Variants in C2CD3 observed in about 807,000 individuals in gnomAD.
C2CD3 encodes the protein C2 domain-containing protein 3.
Under a neutral mutation model 234.0 loss-of-function variants are expected in C2CD3, and 148 were observed. The ratio of observed to expected loss-of-function variants is 0.63; its 90% CI spans 0.55 to 0.72. The LOEUF is 0.72. C2CD3 is among the 30% of genes least tolerant of loss of function. C2CD3 has a pLI of 0.00. For synonymous variants in C2CD3, 1,000 were observed against 1,035.4 expected, an observed-to-expected ratio of 0.97 and a Z score of 0.66; for missense variants, 2,577 against 2,811.5, an observed-to-expected ratio of 0.92 and a Z score of 1.89.
rs759687227 is a variant in C2CD3 at position 74,092,449 on chromosome 11, C to T, written c.3484G>A (p.Glu1162Lys). The T allele has an allele frequency of 4.3e-6, 7 of 1,613,842 alleles. No homozygotes were observed. The South Asian group carries it at 6.6e-5, about 15-fold the overall frequency. ...TGGTTCCTCAATTCTTTCCTGTTCT[C>T]AATCCTGGGGGTTAAAGGGAGATTA... ...TFNLPLTPRIENRKELRNQSS... is the reference protein window; with the variant it reads ...TFNLPLTPRIKNRKELRNQSS... Residue 1162 changes from glutamate to lysine, a missense_variant, in exon 19 of 33, where the codon GAG becomes AAG. By Grantham distance (56) the Glu-to-Lys change is moderately conservative. Transcript: ENST00000334126.
At chr11:74,046,205 T>C (rs1953366758) in intron 28 of C2CD3, among the ~76,000 whole-genome samples, 1 of 152,240 alleles carries the variant, frequency 6.6e-6, no homozygotes, top group South Asian at 2.1e-4. Context: ...CAAAAGTTTC[T>C]TCTTGTCTTT....
At chr11:74,144,083 A>C (rs1202442252) in intron 3 of C2CD3, among the ~76,000 whole-genome samples, 1 of 152,204 alleles carries the variant, frequency 6.6e-6, no homozygotes, top group East Asian at 1.9e-4. Flanking sequence ...GTAGAATCAA[A>C]AGGAAAGTGA....
chr11:74,034,601 G>A (rs1158545721), intron 30 of C2CD3: 2 of 1,612,658 alleles, frequency 1.2e-6, no homozygotes, highest in East Asian at 2.2e-5. Flanking sequence ...AGTTACTTCA[G>A]TAACTACCTA....
intron 17 of C2CD3, among the ~76,000 whole-genome samples, chr11:74,094,445 C>T (rs931012520): frequency 3.3e-5 from 5 of 151,974 alleles, no homozygotes; most frequent in African/African-American, 1.2e-4. Context: ...CTTATTTGAA[C>T]CTCAAAATCA....
At position 74,121,675 on chromosome 11, in the gene C2CD3, T is replaced by C. The variant is rs572240776; in HGVS notation, c.1365+1313A>G. 5.3e-5 allele frequency among the ~76,000 whole-genome samples: 8 copies of C among 151,688 alleles called. No homozygotes were observed. In the South Asian group the frequency reaches 1.7e-3, roughly 32 times the overall value. On this transcript the variant is annotated intron_variant, in intron 8 of 32. Transcript: ENST00000334126. ...TTAAAAACAGTATTTAGTGTTCTAT[T>C]AGTTTCAGCCATAAAAACACAAAAC...
intron 8 of C2CD3, among the ~76,000 whole-genome samples, chr11:74,120,915 T>C (rs1045815200): frequency 8.6e-5 from 13 of 151,142 alleles, no homozygotes; most frequent in African/African-American, 2.9e-4. Context: ...TTCAACCCTT[T>C]GGGAGGCCAA....
chr11:74,103,359 C>A lies in C2CD3; in HGVS notation c.2352G>T (p.Thr784=), dbSNP rs147082398. The change falls in exon 14 of 33, where the codon ACG becomes ACT. Residue 784 remains threonine (T), a synonymous_variant. Coordinates refer to ENST00000334126, the MANE Select transcript of C2CD3 (RefSeq NM_001286577.2). ...VAPHPSTFVA[T]PASHNLVNQT... ...GATTGACTAAATTATGGGAGGCTGG[C>A]GTAGCTACGAAGGTTGAAGGATGTG... The A allele has an allele frequency of 3.1e-6, 5 of 1,614,020 alleles. No homozygotes were observed. Among genetic ancestry groups the A allele is most frequent in the African/African-American group, 1.3e-5 (1 of 74,908 alleles).
intron 3 of C2CD3, among the ~76,000 whole-genome samples, chr11:74,145,633 T>C (rs375991012): frequency 6.6e-6 from 1 of 152,290 alleles, no homozygotes; most frequent in East Asian, 1.9e-4. Flanking sequence ...CCAGTTCTTA[T>C]GTCGAAAATG....
intron 31 of C2CD3, among the ~76,000 whole-genome samples, chr11:74,029,669 T>C (rs1243650325): frequency 6.6e-6 from 1 of 152,246 alleles, no homozygotes; most frequent in African/African-American, 2.4e-5. Context: ...GGGCTGGCTC[T>C]GAAGCATGGA....
chr11:74,139,848 T>C lies in C2CD3; in HGVS notation c.484-20A>G, dbSNP rs374505777. ...TGAGACCTAAGAGAGACAGGTAGTA[T>C]ATGAGAAATTTTCTTTAGCATTGAT... On this transcript the variant is annotated intron_variant, in intron 3 of 32. Transcript: ENST00000334126. 8.1e-5 allele frequency: 120 copies of C among 1,474,460 alleles called. No individual in the cohort carries two copies. In the Middle Eastern group the frequency reaches 1.7e-3, roughly 21 times the overall value. 91.3% of individuals were successfully genotyped at this position (1,474,460 alleles called of 1,614,324 possible). A position where few individuals can be genotyped will look rare whatever the true frequency, so the allele number is the denominator to read the frequency against.
chr11:74,149,484 T>C (rs1442108535), intron 3 of C2CD3, among the ~76,000 whole-genome samples: 1 of 152,200 alleles, frequency 6.6e-6, no homozygotes, highest in Non-Finnish European at 1.5e-5. Flanking sequence ...TGTAGGTGCA[T>C]GCTAACATTT....
chr11:74,134,698 AC>A (rs1257736342), intron 5 of C2CD3, among the ~76,000 whole-genome samples: 1 of 152,214 alleles, frequency 6.6e-6, no homozygotes, highest in African/African-American at 2.4e-5. Context: ...AAGAAAAAAA[AC>A]AAGTCAAATA....
intron 26 of C2CD3, among the ~76,000 whole-genome samples, chr11:74,052,276 A>G (rs1953730684): frequency 6.6e-6 from 1 of 152,230 alleles, no homozygotes; most frequent in Admixed American, 6.5e-5. Flanking sequence ...CACATAGTAG[A>G]CATAATAATA....
chr11:74,151,258 T>C (rs1855634136), intron 3 of C2CD3, among the ~76,000 whole-genome samples: 1 of 152,004 alleles, frequency 6.6e-6, no homozygotes, highest in Non-Finnish European at 1.5e-5. Context: ...AGCTCATGTA[T>C]TTAGTACTGA....
chr11:74,144,391 A>G (rs1855020194), intron 3 of C2CD3, among the ~76,000 whole-genome samples: 1 of 152,216 alleles, frequency 6.6e-6, no homozygotes, highest in South Asian at 2.1e-4. Context: ...CCAGCTCCCC[A>G]AAGCTTCTCT....
chr11:74,170,276 A>C (rs898757362), intron 1 of C2CD3, among the ~76,000 whole-genome samples: 3 of 151,962 alleles, frequency 2.0e-5, no homozygotes, highest in African/African-American at 4.8e-5. Context: ...TTCATACTTC[A>C]TTCATTCAAC....
At chr11:74,154,162 G>A (rs1020106304) in intron 3 of C2CD3, among the ~76,000 whole-genome samples, 1 of 152,128 alleles carries the variant, frequency 6.6e-6, no homozygotes, top group African/African-American at 2.4e-5. Flanking sequence ...ATTAGGGGAA[G>A]ATTTCTTAGG....
At chr11:74,112,016 A>C (rs1042556894) in intron 11 of C2CD3, among the ~76,000 whole-genome samples, 5 of 151,988 alleles carry the variant, frequency 3.3e-5, no homozygotes, top group African/African-American at 1.2e-4. Flanking sequence ...TAATGGCTTA[A>C]GGAAGGATAT....
Position 74,072,019 on chromosome 11 carries a change from C to CA in C2CD3, c.4951+2233dup, listed in dbSNP as rs563756783. Among the ~76,000 whole-genome samples the CA allele has an allele frequency of 5.6e-4, 84 of 150,192 alleles. 1 individual carries two copies. In the Middle Eastern group the frequency reaches 0.01, roughly 18 times the overall value. On this transcript the variant is annotated intron_variant, in intron 24 of 32. Transcript: ENST00000334126. ...TTAAATTTTATTTTCAATGCAACTA[C>CA]AAAAAAAAACTTTCCAAAAATAAAA...
Sources: allele counts gnomAD v4.1 joint callset (sites outside exome capture counted in the v4.1 genomes callset), GRCh38; gene constraint gnomAD v4.1.1; transcripts MANE v1.5; gene names NCBI Gene and HGNC (gene_info 2026-07-23, HGNC 2026-07-21).